Variants in ITFG2 observed in about 807,000 individuals in gnomAD.
ITFG2 encodes the protein integrin alpha FG-GAP repeat containing 2, also known as KICSTOR complex protein ITFG2.
Under a neutral mutation model 54.4 loss-of-function variants are expected in ITFG2, and 36 were observed. The ratio of observed to expected loss-of-function variants is 0.66; its 90% CI spans 0.51 to 0.87. The LOEUF (loss-of-function observed/expected upper bound fraction) is 0.87. ITFG2 is among the 40% of genes least tolerant of loss of function. The pLI, the probability that ITFG2 is intolerant of heterozygous loss-of-function variation, is 0.00. For missense variants in ITFG2, 524 were observed against 576.7 expected (o/e 0.91, Z 0.94); for synonymous variants, 211 against 225.4 (o/e 0.94, Z 0.57).
At chr12:2,856,396 C>T (rs1268518893) in intron 2 of ITFG2, among the ~76,000 whole-genome samples, 1 of 152,196 alleles carries the variant, frequency 6.6e-6, no homozygotes, top group East Asian at 1.9e-4. Context: ...TGGAGTTTCA[C>T]TCTTGTTACC....
downstream of ITFG2, chr12:2,828,488 A>G (rs1391096006): frequency 9.7e-6 from 11 of 1,136,162 alleles, no homozygotes; most frequent in Non-Finnish European, 1.4e-5. Flanking sequence ...TCAGTTTCCC[A>G]GCCCATTGAT....
chr12:2,839,279 A>G (rs1451511243), intron 1 of ITFG2, among the ~76,000 whole-genome samples: 1 of 152,196 alleles, frequency 6.6e-6, no homozygotes, highest in African/African-American at 2.4e-5. Context: ...TGACAGGGTG[A>G]AACTCCGGCT....
chr12:2,855,586 G>A (rs932485388), intron 2 of ITFG2: 7 of 566,832 alleles, frequency 1.2e-5, no homozygotes, highest in Non-Finnish European at 1.4e-5. Flanking sequence ...TCCTGGCAGG[G>A]CCGCATCTCC....
At chr12:2,830,134 G>A (rs559452927) in intron 2 of ITFG2, 1 of 152,092 alleles carries the variant, frequency 6.6e-6, no homozygotes, top group Admixed American at 6.6e-5. Flanking sequence ...GAGGTTGGGA[G>A]GGAGGAAAGG....
chr12:2,835,121 G>A (rs7304390), upstream of ITFG2: 7,957 of 1,435,276 alleles, frequency 5.5e-3, 392 homozygotes, highest in African/African-American at 0.1. Flanking sequence ...CATCCCCAAC[G>A]CTGGGGTCCT....
chr12:2,823,002 C>T (rs900197255), intron 10 of ITFG2, 91 bp downstream of exon 10: 18 of 919,356 alleles, frequency 2.0e-5, no homozygotes, highest in Middle Eastern at 2.2e-4. Context: ...CCTCACTTCC[C>T]TTTCTGACGT....
rs377447253 is a variant in ITFG2, at chr12:2,819,959, T to C, written c.407-127T>C. On this transcript the variant is annotated intron_variant, in intron 4 of 11. Coordinates refer to ENST00000228799, the MANE Select transcript of ITFG2 (RefSeq NM_018463.4). ...AACACAGGCAGGGGCGGGGGCAGAC[T>C]GAGGGTGAAGTGAGTAGCACCGCAG... is the stretch of plus-strand genomic sequence containing the variant. The C allele has an allele frequency of 9.1e-5, 112 of 1,232,592 alleles. No homozygotes were observed. The African/African-American group carries it at 1.5e-3, about 17-fold the overall frequency. 76.4% of individuals were successfully genotyped at this position (1,232,592 alleles called of 1,614,324 possible).
chr12:2,816,265 A>C (rs910187014), intron 1 of ITFG2, among the ~76,000 whole-genome samples: 1 of 150,778 alleles, frequency 6.6e-6, no homozygotes, highest in African/African-American at 2.4e-5. Flanking sequence ...TCCTGACCTC[A>C]TGTGATCCAC....
intron 2 of ITFG2, chr12:2,830,492 G>C (rs1036564733): frequency 2.0e-6 from 1 of 499,012 alleles, no homozygotes; most frequent in Middle Eastern, 5.1e-4. Context: ...AGGAAGGGGG[G>C]CAGAGTAATG....
upstream of ITFG2, chr12:2,834,978 T>A (rs757740120): frequency 4.4e-6 from 7 of 1,575,824 alleles, no homozygotes; most frequent in Middle Eastern, 1.7e-4. Flanking sequence ...GAAAAATAAA[T>A]AACATGCAGG....
intron 1 of ITFG2, among the ~76,000 whole-genome samples, chr12:2,838,098 C>T (rs1158995577): frequency 6.6e-6 from 1 of 152,168 alleles, no homozygotes; most frequent in African/African-American, 2.4e-5. Flanking sequence ...ACATCCATTA[C>T]CACCATATGT....
chr12:2,836,384 C>T (rs2098027837), upstream of ITFG2, among the ~76,000 whole-genome samples: 1 of 152,196 alleles, frequency 6.6e-6, no homozygotes, highest in Admixed American at 6.5e-5. Flanking sequence ...GTTGGATGCT[C>T]ACAGGGTGAT....
At chr12:2,821,660 C>T in intron 8 of ITFG2, 32 bp from the exon 9 acceptor site, 1 of 1,613,252 alleles carries the variant, frequency 6.2e-7, no homozygotes, top group African/African-American at 1.3e-5. Flanking sequence ...GGGCCTATCC[C>T]ACCCACACTC....
At chr12:2,848,911 A>ACACACACC (rs2098061222) in intron 2 of ITFG2, 2 of 357,172 alleles carry the variant, frequency 5.6e-6, no homozygotes, top group Non-Finnish European at 1.0e-5. Context: ...ACACACACAC[A>ACACACACC]CTCCTTCCTT....
upstream of ITFG2, chr12:2,834,573 C>A: frequency 1.3e-6 from 2 of 1,515,820 alleles, no homozygotes; most frequent in Non-Finnish European, 1.8e-6. Flanking sequence ...GGTCCTGCCT[C>A]CTGCTCAGGA....
At chr12:2,830,696 G>A (rs777953248) in intron 2 of ITFG2, 2 of 1,604,460 alleles carry the variant, frequency 1.2e-6, no homozygotes, top group Non-Finnish European at 1.7e-6. Context: ...GTGTCCCTGG[G>A]AGGCCTCTCA....
At chr12:2,851,171 A>G (rs2098069710) in intron 2 of ITFG2, among the ~76,000 whole-genome samples, 2 of 151,702 alleles carry the variant, frequency 1.3e-5, no homozygotes, top group Admixed American at 6.6e-5. Flanking sequence ...CTGAAAAAAA[A>G]AAATTAAAGA....
intron 2 of ITFG2, among the ~76,000 whole-genome samples, chr12:2,848,141 G>A (rs2098058442): frequency 1.3e-5 from 2 of 152,226 alleles, no homozygotes; most frequent in Non-Finnish European, 2.9e-5. Context: ...AGCAGCTCTA[G>A]AGCCCTGTGA....
intron 1 of ITFG2, among the ~76,000 whole-genome samples, chr12:2,816,587 C>G (rs556191867): frequency 1.8e-4 from 28 of 151,786 alleles, no homozygotes; most frequent in African/African-American, 6.8e-4. Context: ...CCTTGGCCTT[C>G]CAAAATGCTG....
Sources: gnomAD v4.1 joint callset for allele counts (sites outside exome capture counted in the v4.1 genomes callset) on GRCh38, gnomAD v4.1.1 for gene constraint, MANE v1.5 for transcripts, NCBI Gene and HGNC (gene_info 2026-07-23, HGNC 2026-07-21) for gene names.